The following MAML3 variants were observed in gnomAD, a reference collection of about 807,000 sequenced individuals.
MAML3 encodes the protein mastermind-like protein 3.
In MAML3, 27 loss-of-function variants were observed where a neutral mutation model predicts 101.9. The observed-to-expected ratio is 0.27, with a 90% CI of 0.20 to 0.37. The LOEUF is 0.37. Ranked by LOEUF, MAML3 falls within the 10% of genes least tolerant of loss-of-function variation. MAML3 has a pLI of 1.00. For synonymous variants in MAML3, 501 were observed against 555.9 expected (o/e 0.90, Z 1.39); for missense variants, 1,316 against 1,444.9 (o/e 0.91, Z 1.45).
chr4:139,795,491 T>C (rs1730497135), intron 2 of MAML3, among the ~76,000 whole-genome samples: 2 of 152,232 alleles, frequency 1.3e-5, no homozygotes, highest in South Asian at 2.1e-4. Context: ...TCCTGTTAAA[T>C]TGTCAAATTC....
At chr4:139,866,752 C>T (rs748132470) in intron 2 of MAML3, among the ~76,000 whole-genome samples, 7 of 152,120 alleles carry the variant, frequency 4.6e-5, no homozygotes, top group African/African-American at 7.2e-5. Context: ...GGGGAGCAGT[C>T]GGCAATTCCA....
rs71584346 is a variant in MAML3 at position 139,978,611 on chromosome 4, C to CAAAAAAAAAAAA, written c.469-87645_469-87644insTTTTTTTTTTTT. On this transcript the variant is annotated intron_variant, in intron 1 of 4. Transcript: ENST00000509479. ...CATGACTTCCCAGCATCAACCACAT[C>CAAAAAAAAAAAA]AAAAAAAAAGAGAGAGAGAGAGAGC... is the stretch of plus-strand genomic sequence containing the variant. Among the ~76,000 whole-genome samples the CAAAAAAAAAAAA allele has an allele frequency of 2.4e-3, 294 of 122,144 alleles. 4 individuals carry two copies. Among genetic ancestry groups the CAAAAAAAAAAAA allele is most frequent in the Middle Eastern group, 8.8e-3 (2 of 226 alleles). 80.1% of individuals were successfully genotyped at this position (122,144 alleles called of 152,430 possible).
In MAML3 at chr4:139,890,189, T is replaced by G; in HGVS notation, c.1247A>C (p.Gln416Pro). 1 of 1,613,442 alleles carries G rather than the reference T, an allele frequency of 6.2e-7. No homozygotes were observed. The highest frequency in any genetic ancestry group is 1.1e-5 in the South Asian group (1 of 91,084). ...GGCTTGGTTTGGAGTTTGAGGGGAC[T>G]GGACAGCACAGTTTGCTGGTGAGCT... ...PASSPANCAV[Q>P]SPQTPNQAHT... Residue 416 changes from glutamine to proline, a missense_variant, in exon 2 of 5, where the codon CAG becomes CCG. Gln to Pro is a moderately conservative substitution (Grantham distance 76). Transcript: ENST00000509479. The surrounding 1 kb of genome is among the most constrained non-coding windows in gnomAD (Gnocchi z 4.1).
intron 1 of MAML3, among the ~76,000 whole-genome samples, chr4:140,148,154 A>G (rs1729096738): frequency 6.6e-6 from 1 of 152,220 alleles, no homozygotes; most frequent in Admixed American, 6.5e-5. Context: ...AGGTGGCAGA[A>G]ATCCTAAAAA....
chr4:139,910,522 C>A (rs887387022), intron 1 of MAML3, among the ~76,000 whole-genome samples: 1 of 152,134 alleles, frequency 6.6e-6, no homozygotes, highest in Non-Finnish European at 1.5e-5. Context: ...AAAGTAGCTA[C>A]ATGCAACTAG....
chr4:139,927,994 C>T (rs1276154855), intron 1 of MAML3, among the ~76,000 whole-genome samples: 2 of 152,136 alleles, frequency 1.3e-5, no homozygotes, highest in African/African-American at 4.8e-5. Context: ...CAACAGACAG[C>T]GCTCAGTAAT....
rs147348009 is a variant in MAML3, at chr4:139,914,078, T to C, written c.469-23111A>G. On this transcript the variant is annotated intron_variant, in intron 1 of 4. Transcript: ENST00000509479. ...TTCCTTCCACAGCTCCTCGTATATA[T>C]ATTTTTAAAAGCATTTAGACTTTGG... Among the ~76,000 whole-genome samples, 47 of 152,280 alleles carry C rather than the reference T, an allele frequency of 3.1e-4. 1 individual carries two copies. In the East Asian group the frequency reaches 6.6e-3, roughly 21 times the overall value.
intron 1 of MAML3, among the ~76,000 whole-genome samples, chr4:140,076,181 T>A (rs1727762481): frequency 6.6e-6 from 1 of 151,442 alleles, no homozygotes; most frequent in African/African-American, 2.4e-5. Flanking sequence ...TATATATATA[T>A]AATATAATAT....
At chr4:139,902,580 C>A (rs970863928) in intron 1 of MAML3, among the ~76,000 whole-genome samples, 5 of 152,100 alleles carry the variant, frequency 3.3e-5, no homozygotes, top group African/African-American at 7.2e-5. Context: ...TACAGGCAAA[C>A]ATGGAAGTCA....
intron 1 of MAML3, among the ~76,000 whole-genome samples, chr4:140,067,547 A>G (rs139615509): frequency 2.6e-5 from 4 of 152,294 alleles, no homozygotes; most frequent in Non-Finnish European, 5.9e-5. Flanking sequence ...TAAGTTCCTA[A>G]AACAGCAGAG....
intron 1 of MAML3, among the ~76,000 whole-genome samples, chr4:140,051,842 G>A (rs1416964866): frequency 6.6e-6 from 1 of 152,086 alleles, no homozygotes; most frequent in East Asian, 1.9e-4. Flanking sequence ...CACAGAGCAA[G>A]CTAGTGGAGG....
At chr4:140,007,745 T>C (rs1042676129) in intron 1 of MAML3, among the ~76,000 whole-genome samples, 1 of 152,188 alleles carries the variant, frequency 6.6e-6, no homozygotes, top group Admixed American at 6.5e-5. Flanking sequence ...GCGACCAGCC[T>C]TACCAGGCTG....
At chr4:139,856,615 G>A (rs1731668586) in intron 2 of MAML3, among the ~76,000 whole-genome samples, 1 of 152,196 alleles carries the variant, frequency 6.6e-6, no homozygotes, top group South Asian at 2.1e-4. Context: ...GAACTTCTGT[G>A]AAGTTGTAAA....
intron 1 of MAML3, among the ~76,000 whole-genome samples, chr4:139,946,504 T>C (rs1000820555): frequency 5.3e-5 from 8 of 152,140 alleles, no homozygotes; most frequent in African/African-American, 1.9e-4. Flanking sequence ...AACTCCTGAA[T>C]AGTCAATAAA....
At position 139,849,297 on chromosome 4, in the gene MAML3, G is replaced by A. The variant is rs1731507480; in HGVS notation, c.2079+40060C>T. Reference sequence around the variant, plus strand: ...TTTGTGATTCTATATTAGGATTCTAGGGGTTCTCTGGACCAGAGACTAAGT... The same window carrying A: ...TTTGTGATTCTATATTAGGATTCTAAGGGTTCTCTGGACCAGAGACTAAGT... On this transcript the variant is annotated intron_variant, in intron 2 of 4. Coordinates refer to ENST00000509479, the MANE Select transcript of MAML3 (RefSeq NM_018717.5). Among the ~76,000 whole-genome samples, 4 of 152,196 alleles carry A rather than the reference G, an allele frequency of 2.6e-5. No individual in the cohort carries two copies. The South Asian group carries it at 8.3e-4, about 32-fold the overall frequency.
Position 139,889,882 on chromosome 4 carries a change from C to G in MAML3, c.1554G>C (p.Trp518Cys). The change falls in exon 2 of 5, where the codon TGG (tryptophan) becomes TGC (cysteine). Residue 518 changes from tryptophan (W) to cysteine (C), a missense_variant. Transcript: ENST00000509479. ...QQQHSNQTSN[W>C]SPLGPPSSPY... ...GACTAGAGGGAGGTCCTAAGGGAGA[C>G]CAATTTGAAGTCTGATTTGAGTGCT... 6.2e-7 allele frequency: 1 copy of G among 1,612,924 alleles called. No homozygotes were observed. The highest frequency in any genetic ancestry group is 8.5e-7 in the Non-Finnish European group (1 of 1,179,734).
At chr4:139,990,164 C>A (rs575397471) in intron 1 of MAML3, among the ~76,000 whole-genome samples, 1 of 152,198 alleles carries the variant, frequency 6.6e-6, no homozygotes, top group South Asian at 2.1e-4. Context: ...ATAGAGAAAT[C>A]TTTACATTTA....
intron 1 of MAML3, among the ~76,000 whole-genome samples, chr4:140,006,451 T>C (rs907369840): frequency 6.6e-6 from 1 of 152,116 alleles, no homozygotes; most frequent in Middle Eastern, 3.4e-3. Flanking sequence ...CCAGGCATGG[T>C]GGCGGGTGCC....
intron 2 of MAML3, among the ~76,000 whole-genome samples, chr4:139,809,355 A>G (rs1730754196): frequency 6.6e-6 from 1 of 152,230 alleles, no homozygotes; most frequent in Non-Finnish European, 1.5e-5. Flanking sequence ...ATGTGCTCTT[A>G]GCTGCTGATT....
Sources: allele counts gnomAD v4.1 joint callset (sites outside exome capture counted in the v4.1 genomes callset), GRCh38; gene constraint gnomAD v4.1.1; non-coding constraint Gnocchi (gnomAD v3.1); transcripts MANE v1.5; gene names NCBI Gene and HGNC (gene_info 2026-07-23, HGNC 2026-07-21).